Variants in FBLN5 observed in about 807,000 individuals in gnomAD.
FBLN5 encodes the protein fibulin 5.
A neutral mutation model predicts 61.6 loss-of-function variants in FBLN5; 24 were observed. That is an observed-to-expected ratio of 0.39 (90% CI 0.28 to 0.55). FBLN5 has a LOEUF of 0.55. Ranked by LOEUF, FBLN5 falls within the 20% of genes least tolerant of loss-of-function variation. The pLI, the probability that FBLN5 is intolerant of heterozygous loss-of-function variation, is 0.65. For missense variants in FBLN5, 470 were observed against 594.1 expected (o/e 0.79, Z 2.17); for synonymous variants, 213 against 219.8 (o/e 0.97, Z 0.27).
intron 4 of FBLN5, among the ~76,000 whole-genome samples, chr14:91,921,252 C>T (rs1412218778): frequency 6.6e-6 from 1 of 152,200 alleles, no homozygotes; most frequent in Non-Finnish European, 1.5e-5. Context: ...GACCAAGTAG[C>T]TCCCAGAGTT....
At chr14:91,905,668 C>T (rs1363885714) in intron 4 of FBLN5, among the ~76,000 whole-genome samples, 1 of 150,750 alleles carries the variant, frequency 6.6e-6, no homozygotes, top group African/African-American at 2.4e-5. Context: ...CAACCTCCAC[C>T]TCCTGGGTTC....
intron 4 of FBLN5, among the ~76,000 whole-genome samples, chr14:91,930,181 C>A (rs1001243328): frequency 6.6e-6 from 1 of 152,118 alleles, no homozygotes; most frequent in Non-Finnish European, 1.5e-5. Context: ...ACTTAGGAAG[C>A]CCCTATGATA....
At chr14:91,926,808 G>A (rs1595339846) in intron 4 of FBLN5, among the ~76,000 whole-genome samples, 1 of 152,064 alleles carries the variant, frequency 6.6e-6, no homozygotes, top group African/African-American at 2.4e-5. Flanking sequence ...GGCAGTGGAC[G>A]GGTGGGAGTG....
intron 4 of FBLN5, among the ~76,000 whole-genome samples, chr14:91,922,302 A>C (rs890532575): frequency 6.9e-6 from 1 of 144,462 alleles, no homozygotes; most frequent in African/African-American, 2.6e-5. Flanking sequence ...CAAAAATAAT[A>C]ATAATAATAA....
Position 91,947,420 on chromosome 14 carries a change from T to A in FBLN5, c.-191A>T, listed in dbSNP as rs993365518. The A allele has an allele frequency of 1.5e-6, 1 of 668,234 alleles. No homozygotes were observed. Among genetic ancestry groups the A allele is most frequent in the Non-Finnish European group, 2.7e-6 (1 of 370,510 alleles). The allele number at this position is 668,234 out of a possible 1,614,324, so 41.4% of individuals were successfully genotyped here. A position where few individuals can be genotyped will look rare whatever the true frequency, so the allele number is the denominator to read the frequency against. Reference sequence around the variant, plus strand: ...GGTCCTCCCAGCCACTGCAGAGCCCTCAGCGCAAGCACCTGGTTTTGCTTA... The same window carrying A: ...GGTCCTCCCAGCCACTGCAGAGCCCACAGCGCAAGCACCTGGTTTTGCTTA... On this transcript the variant is annotated 5_prime_UTR_variant, in exon 1 of 11. Coordinates refer to ENST00000342058, the MANE Select transcript of FBLN5 (RefSeq NM_006329.4). The surrounding 1 kb of genome is among the most constrained non-coding windows in gnomAD (Gnocchi z 4.3).
intron 4 of FBLN5, among the ~76,000 whole-genome samples, chr14:91,900,731 C>T (rs1450565123): frequency 2.6e-5 from 4 of 152,148 alleles, no homozygotes; most frequent in Admixed American, 6.5e-5. Context: ...TAGCCTGCCT[C>T]GTAGGTAGAT....
chr14:91,908,862 G>A (rs1289206922), intron 4 of FBLN5, among the ~76,000 whole-genome samples: 1 of 151,994 alleles, frequency 6.6e-6, no homozygotes, highest in Non-Finnish European at 1.5e-5. Flanking sequence ...AAAATATAGA[G>A]CTCTTGATTC....
At chr14:91,929,135 A>T (rs1372273009) in intron 4 of FBLN5, among the ~76,000 whole-genome samples, 1 of 151,640 alleles carries the variant, frequency 6.6e-6, no homozygotes, top group Non-Finnish European at 1.5e-5. Context: ...CACATGATAC[A>T]GTGATATAGA....
At chr14:91,945,118 C>A (rs2056163279) in intron 1 of FBLN5, among the ~76,000 whole-genome samples, 1 of 151,838 alleles carries the variant, frequency 6.6e-6, no homozygotes, top group Non-Finnish European at 1.5e-5. Context: ...GTAGTCCCAG[C>A]TACTCTGGAG....
chr14:91,935,358 G>T (rs758242482), intron 4 of FBLN5, among the ~76,000 whole-genome samples: 3 of 152,240 alleles, frequency 2.0e-5, no homozygotes, highest in Non-Finnish European at 4.4e-5. Context: ...AGCTAGACCT[G>T]TCTGCACCAC....
In FBLN5 at chr14:91,869,460, TG is replaced by T. The variant is rs1269532240; in HGVS notation, c.*763del. ...GGAGACCTCTGCATTCCAATCCAAT[TG>T]GGTAAAAATTCTAAAGAAAGCAAGA... On this transcript the variant is annotated 3_prime_UTR_variant, in exon 11 of 11. Transcript: ENST00000342058. 1 of 152,360 alleles carries T rather than the reference TG, an allele frequency of 6.6e-6. No homozygotes were observed. The highest frequency in any genetic ancestry group is 1.9e-4 in the East Asian group (1 of 5,196). 9.4% of individuals were successfully genotyped at this position (152,360 alleles called of 1,614,324 possible). A position where few individuals can be genotyped will look rare whatever the true frequency, so the allele number is the denominator to read the frequency against.
At chr14:91,906,503 C>G (rs1160214700) in intron 4 of FBLN5, among the ~76,000 whole-genome samples, 1 of 152,218 alleles carries the variant, frequency 6.6e-6, no homozygotes, top group African/African-American at 2.4e-5. Flanking sequence ...CACCCACAAA[C>G]AGTGCAGGGC....
intron 4 of FBLN5, among the ~76,000 whole-genome samples, chr14:91,929,931 A>G (rs2140037219): frequency 6.6e-6 from 1 of 152,326 alleles, no homozygotes; most frequent in East Asian, 1.9e-4. Context: ...GTCCTGGACA[A>G]CTTCCTGGAG....
At chr14:91,875,327 G>C (rs1411933804) in intron 10 of FBLN5, among the ~76,000 whole-genome samples, 1 of 152,146 alleles carries the variant, frequency 6.6e-6, no homozygotes, top group Non-Finnish European at 1.5e-5. Flanking sequence ...GGAATGCAAG[G>C]AGCTGATGTT....
chr14:91,936,479 C>T (rs1467667143), intron 4 of FBLN5, among the ~76,000 whole-genome samples: 1 of 152,180 alleles, frequency 6.6e-6, no homozygotes, highest in Non-Finnish European at 1.5e-5. Flanking sequence ...GAACAGTTGG[C>T]CGTGCCCTTC....
chr14:91,913,295 T>C (rs944506538), intron 4 of FBLN5, among the ~76,000 whole-genome samples: 2 of 152,192 alleles, frequency 1.3e-5, no homozygotes, highest in Admixed American at 1.3e-4. Context: ...TTTTGGAGGA[T>C]TCAATGAGAT....
At chr14:91,907,724 G>C (rs1272312126) in intron 4 of FBLN5, among the ~76,000 whole-genome samples, 1 of 152,082 alleles carries the variant, frequency 6.6e-6, no homozygotes, top group Non-Finnish European at 1.5e-5. Flanking sequence ...TAAAAGAAAA[G>C]AGATGGATGA....
chr14:91,914,923 G>T (rs976128044), intron 4 of FBLN5, among the ~76,000 whole-genome samples: 1 of 151,992 alleles, frequency 6.6e-6, no homozygotes, highest in Admixed American at 6.5e-5. Context: ...ACTTTGGGAG[G>T]CTGAGGCAGG....
intron 10 of FBLN5, among the ~76,000 whole-genome samples, chr14:91,876,916 C>T (rs1477879069): frequency 2.6e-5 from 4 of 152,158 alleles, no homozygotes; most frequent in Non-Finnish European, 4.4e-5. Flanking sequence ...CAACTTCGAC[C>T]TCCTGGGCTC....
Sources: allele counts gnomAD v4.1 joint callset (sites outside exome capture counted in the v4.1 genomes callset), GRCh38; gene constraint gnomAD v4.1.1; non-coding constraint Gnocchi (gnomAD v3.1); transcripts MANE v1.5; gene names NCBI Gene and HGNC (gene_info 2026-07-23, HGNC 2026-07-21).